The following CASP4 variants were observed in gnomAD, a reference collection of about 807,000 sequenced individuals.
The protein encoded by CASP4 is caspase 4.
CASP4 carries 29 observed loss-of-function variants against 41.3 expected under a neutral mutation model. The observed-to-expected ratio is 0.70, with a 90% CI of 0.52 to 0.96. The LOEUF (loss-of-function observed/expected upper bound fraction) is 0.96, where lower values mean the gene tolerates loss of function less well. Ranked by LOEUF, CASP4 falls within the 40% of genes least tolerant of loss-of-function variation. The pLI, the probability that CASP4 is intolerant of heterozygous loss-of-function variation, is 0.00. For synonymous variants in CASP4, 185 were observed against 158.4 expected (o/e 1.17, Z -1.26); for missense variants, 447 against 460.6 (o/e 0.97, Z 0.27).
chr11:104,954,036 G>A (rs1860678477), intron 2 of CASP4, among the ~76,000 whole-genome samples: 1 of 152,090 alleles, frequency 6.6e-6, no homozygotes, highest in African/African-American at 2.4e-5. Flanking sequence ...TCTGCTATGT[G>A]CCAAGAAAAC....
chr11:104,944,666 G>C (rs1203056388), intron 8 of CASP4, 82 bp downstream of exon 8: 1 of 868,570 alleles, frequency 1.2e-6, no homozygotes, highest in Non-Finnish European at 1.9e-6. Context: ...CAAGTACTCA[G>C]CTGTCATTTG....
At chr11:104,966,963 G>C (rs1310454595) in intron 1 of CASP4, among the ~76,000 whole-genome samples, 2 of 152,176 alleles carry the variant, frequency 1.3e-5, no homozygotes, top group Admixed American at 6.5e-5. Context: ...CATATGGTAA[G>C]TATTTTTTAA....
chr11:104,952,089 C>G, intron 2 of CASP4, 84 bp from the exon 3 acceptor site: 1 of 801,022 alleles, frequency 1.2e-6, no homozygotes, highest in Non-Finnish European at 2.1e-6. Context: ...GAGAAGACGT[C>G]CTGGGAAGAT....
In CASP4 at chr11:104,951,774, A is replaced by G. The variant is rs566370156; in HGVS notation, c.372+122T>C. The G allele has an allele frequency of 8.1e-5, 58 of 711,662 alleles. No individual in the cohort carries two copies. In the African/African-American group the frequency reaches 8.2e-4, roughly 10 times the overall value. 44.1% of individuals were successfully genotyped at this position (711,662 alleles called of 1,614,324 possible). On this transcript the variant is annotated intron_variant, in intron 3 of 8. Coordinates refer to ENST00000444739, the MANE Select transcript of CASP4 (RefSeq NM_001225.4). ...ACATAATCTTTCCCTTAGTAAAAGCATTATTGAAAATGGTTACTGTCATCC... is the reference window on the plus strand; with the variant it reads ...ACATAATCTTTCCCTTAGTAAAAGCGTTATTGAAAATGGTTACTGTCATCC...
intron 1 of CASP4, among the ~76,000 whole-genome samples, chr11:104,965,616 C>T (rs1437841887): frequency 2.0e-5 from 3 of 152,206 alleles, no homozygotes; most frequent in Admixed American, 1.3e-4. Context: ...GCCGAACTGA[C>T]TTTGGGAAGG....
intron 6 of CASP4, chr11:104,948,258 C>T (rs1860512075): frequency 9.3e-6 from 2 of 213,980 alleles, no homozygotes; most frequent in Admixed American, 5.7e-5. Flanking sequence ...GAAGCCATTC[C>T]TGGAATCCAT....
chr11:104,963,920 C>T (rs1050378118), intron 1 of CASP4, among the ~76,000 whole-genome samples: 1 of 152,066 alleles, frequency 6.6e-6, no homozygotes, highest in Non-Finnish European at 1.5e-5. Context: ...CTTTCCTGGC[C>T]CTGTTCCTCC....
intron 7 of CASP4, among the ~76,000 whole-genome samples, chr11:104,946,147 T>G (rs1481896020): frequency 2.0e-5 from 3 of 152,188 alleles, no homozygotes; most frequent in African/African-American, 7.2e-5. Context: ...GTGCTGGTTC[T>G]GGATGGCTTT....
chr11:104,967,411 CA>C (rs1395186014), intron 1 of CASP4, among the ~76,000 whole-genome samples: 1 of 151,782 alleles, frequency 6.6e-6, no homozygotes, highest in Non-Finnish European at 1.5e-5. Flanking sequence ...TCATGCTTTA[CA>C]AAGATTAATG....
chr11:104,966,507 G>A (rs1860978935), intron 1 of CASP4, among the ~76,000 whole-genome samples: 1 of 152,218 alleles, frequency 6.6e-6, no homozygotes, highest in Admixed American at 6.5e-5. Context: ...CATAAGCAAA[G>A]TGTGTCTCAG....
chr11:104,962,422 G>C (rs1397075134), intron 1 of CASP4, among the ~76,000 whole-genome samples: 1 of 152,170 alleles, frequency 6.6e-6, no homozygotes, highest in Admixed American at 6.5e-5. Flanking sequence ...TACAAGACTA[G>C]TCTTAGCCTA....
At chr11:104,959,221 G>A (rs1261399936) in intron 1 of CASP4, among the ~76,000 whole-genome samples, 1 of 151,814 alleles carries the variant, frequency 6.6e-6, no homozygotes, top group African/African-American at 2.4e-5. Flanking sequence ...AAGAAAATGT[G>A]GATTATATAC....
At chr11:104,962,687 T>C (rs1446335818) in intron 1 of CASP4, among the ~76,000 whole-genome samples, 1 of 152,168 alleles carries the variant, frequency 6.6e-6, no homozygotes, top group Non-Finnish European at 1.5e-5. Context: ...CATCCAGCCC[T>C]AAAAATTTTT....
At chr11:104,950,023 C>T (rs1174465975) in intron 4 of CASP4, among the ~76,000 whole-genome samples, 3 of 152,062 alleles carry the variant, frequency 2.0e-5, no homozygotes, top group Non-Finnish European at 4.4e-5. Context: ...CTATGTGTTA[C>T]TCATGTTACT....
At chr11:104,955,990 A>G (rs908465726) in intron 1 of CASP4, among the ~76,000 whole-genome samples, 1 of 152,118 alleles carries the variant, frequency 6.6e-6, no homozygotes, top group East Asian at 1.9e-4. Flanking sequence ...TTGAATTAAT[A>G]TTTTCATACG....
chr11:104,949,799 C>T (rs1382477473), intron 4 of CASP4, 22 bp from the exon 5 acceptor site: 1 of 1,608,796 alleles, frequency 6.2e-7, no homozygotes, highest in African/African-American at 1.3e-5. Context: ...CAATGTCTAA[C>T]TTCAGTCAGA....
intron 2 of CASP4, among the ~76,000 whole-genome samples, chr11:104,953,290 C>T (rs140225505): frequency 2.8e-4 from 42 of 152,232 alleles, no homozygotes; most frequent in African/African-American, 1.0e-3. Context: ...AGACACTAGA[C>T]CCCTCCTGTG....
intron 2 of CASP4, 48 bp from the exon 3 acceptor site, chr11:104,952,053 C>G: frequency 2.7e-6 from 3 of 1,100,592 alleles, no homozygotes; most frequent in Non-Finnish European, 4.2e-6. Context: ...CTCTGTGACC[C>G]AATTTATCAC....
chr11:104,951,450 C>T (rs620080), intron 3 of CASP4: 208,010 of 240,198 alleles, frequency 0.87, 91,654 homozygotes, highest in Non-Finnish European at 0.92. Flanking sequence ...TCTTTGCCTT[C>T]GGAAGCATAG....
Sources: allele counts gnomAD v4.1 joint callset (sites outside exome capture counted in the v4.1 genomes callset), GRCh38; gene constraint gnomAD v4.1.1; transcripts MANE v1.5; gene names NCBI Gene and HGNC (gene_info 2026-07-23, HGNC 2026-07-21).